The following MLXIP variants were observed in gnomAD, a reference collection of about 807,000 sequenced individuals.
The protein encoded by MLXIP is MLX-interacting protein.
MLXIP carries 30 observed loss-of-function variants against 87.2 expected under a neutral mutation model. The observed-to-expected ratio is 0.34, with a 90% confidence interval of 0.26 to 0.47. The LOEUF is 0.47. Among genes scored for constraint, MLXIP ranks in the 20% least tolerant of loss-of-function variants. The pLI, the probability that MLXIP is intolerant of heterozygous loss-of-function variation, is 1.00. For missense variants in MLXIP, 1,002 were observed against 1,240.1 expected, an observed-to-expected ratio of 0.81 and a Z score of 2.88; for synonymous variants, 530 against 514.0, an observed-to-expected ratio of 1.03 and a Z score of -0.42.
chr12:122,099,351 G>A (rs924599540), intron 1 of MLXIP, among the ~76,000 whole-genome samples: 1 of 152,014 alleles, frequency 6.6e-6, no homozygotes, highest in African/African-American at 2.4e-5. Context: ...CTGGACCCCA[G>A]CTGTTGGCAG....
chr12:122,144,879 C>T lies in MLXIP; in HGVS notation c.*3067C>T, dbSNP rs1488359843. 5 of 151,818 alleles carry T rather than the reference C, an allele frequency of 3.3e-5. No individual in the cohort carries two copies. The highest frequency in any genetic ancestry group is 3.3e-4 in the Admixed American group (5 of 15,224). The allele number at this position is 151,818 out of a possible 1,614,324, so 9.4% of individuals were successfully genotyped here. A position where few individuals can be genotyped will look rare whatever the true frequency, so the allele number is the denominator to read the frequency against. The stretch of plus-strand genomic sequence containing the variant: ...TCCAGCCTGGGTGACAGAGCAAAAC[C>T]CTATCTCAAAAAAAAAAAGAAGAAA... On this transcript the variant is annotated 3_prime_UTR_variant, in exon 17 of 17. Coordinates refer to ENST00000319080, the MANE Select transcript of MLXIP (RefSeq NM_014938.6).
chr12:122,085,025 A>C (rs1252315546), intron 1 of MLXIP, among the ~76,000 whole-genome samples: 1 of 152,126 alleles, frequency 6.6e-6, no homozygotes. Context: ...TGAGGAGAAA[A>C]GTGACCTACC....
intron 1 of MLXIP, among the ~76,000 whole-genome samples, chr12:122,079,854 CTCA>C (rs1192807643): frequency 6.6e-6 from 1 of 152,222 alleles, no homozygotes; most frequent in East Asian, 1.9e-4. Context: ...CCCTTACAAC[CTCA>C]TCGGGAGGCC....
chr12:122,127,810 G>A, intron 2 of MLXIP, 73 bp from the exon 3 acceptor site: 2 of 1,187,282 alleles, frequency 1.7e-6, no homozygotes, highest in Non-Finnish European at 2.5e-6. Flanking sequence ...CTAGGGGAGG[G>A]GTGCAGCAGA....
chr12:122,138,310 G>C lies in MLXIP; in HGVS notation c.2256+15G>C, dbSNP rs746727039. 1.2e-6 allele frequency: 2 copies of C among 1,613,718 alleles called. No homozygotes were observed. Among genetic ancestry groups the C allele is most frequent in the Non-Finnish European group, 1.7e-6 (2 of 1,179,724 alleles). On this transcript the variant is annotated intron_variant, in intron 13 of 16. Transcript: ENST00000319080. ...ATTCCAAGCTGGTGAGTTGCCAAGA[G>C]CGTGGGCTGTGGCAGGGCAGGGGAG...
chr12:122,105,455 C>T (rs1235795171), intron 1 of MLXIP, among the ~76,000 whole-genome samples: 1 of 151,838 alleles, frequency 6.6e-6, no homozygotes, highest in Admixed American at 6.6e-5. Flanking sequence ...TCAAGAGATT[C>T]TCCTGCCTCA....
intron 1 of MLXIP, among the ~76,000 whole-genome samples, chr12:122,090,630 C>G (rs1952233070): frequency 6.6e-6 from 1 of 152,080 alleles, no homozygotes; most frequent in South Asian, 2.1e-4. Flanking sequence ...TTTCAACTTT[C>G]CCTGTATGTT....
At chr12:122,102,380 A>C (rs1270692266) in intron 1 of MLXIP, among the ~76,000 whole-genome samples, 1 of 152,218 alleles carries the variant, frequency 6.6e-6, no homozygotes, top group African/African-American at 2.4e-5. Context: ...GCTCAAAACC[A>C]CAGTAAGAGG....
intron 1 of MLXIP, among the ~76,000 whole-genome samples, chr12:122,102,083 G>GTT (rs1213677858): frequency 6.6e-6 from 1 of 152,050 alleles, no homozygotes; most frequent in African/African-American, 2.4e-5. Context: ...CAAGATCAAA[G>GTT]TAGGTATTCA....
chr12:122,094,688 TTG>T (rs1311170680), intron 1 of MLXIP, among the ~76,000 whole-genome samples: 10 of 141,204 alleles, frequency 7.1e-5, no homozygotes, highest in South Asian at 2.4e-4. Context: ...GCGATGTCTG[TTG>T]TGTGTTGTGT....
Position 122,120,796 on chromosome 12 carries a change from A to G in MLXIP, c.414-6460A>G, listed in dbSNP as rs552642276. On this transcript the variant is annotated intron_variant, in intron 1 of 16. Coordinates refer to ENST00000319080, the MANE Select transcript of MLXIP (RefSeq NM_014938.6). ...TCAGCACTCATTGTACCTGTCCTGC[A>G]GCACTCACTGTGAGATGCCCCACTC... Among the ~76,000 whole-genome samples, 91 of 152,208 alleles carry G rather than the reference A, an allele frequency of 6.0e-4. No homozygotes were observed. The Middle Eastern group carries it at 0.02, about 34-fold the overall frequency.
rs775646085 is a variant in MLXIP, at chr12:122,141,821, C to T, written c.*9C>T. The T allele has an allele frequency of 6.2e-7, 1 of 1,613,046 alleles. No individual in the cohort carries two copies. On this transcript the variant is annotated 3_prime_UTR_variant, in exon 17 of 17. Transcript: ENST00000319080. Reference sequence around the variant, plus strand: ...GATTGGGAGAGTCCTAGCTGCTTAGCTGGCATGTGGCCGCATGAGATGCCA... The same window carrying T: ...GATTGGGAGAGTCCTAGCTGCTTAGTTGGCATGTGGCCGCATGAGATGCCA...
chr12:122,137,775 CT>C lies in MLXIP; in HGVS notation c.2154+186del, dbSNP rs1953120696. 8.0e-6 allele frequency: 4 copies of C among 501,056 alleles called. No individual in the cohort carries two copies. Among genetic ancestry groups the C allele is most frequent in the African/African-American group, 6.3e-5 (3 of 47,822 alleles). The allele number at this position is 501,056 out of a possible 1,614,324, so 31.0% of individuals were successfully genotyped here. A position where few individuals can be genotyped will look rare whatever the true frequency, so the allele number is the denominator to read the frequency against. ...CAGCCCTGTGGGGATGGTGGGCCCC[CT>C]GGAGGCTTTTGGGTGAGCCCCAAGC... On this transcript the variant is annotated intron_variant, in intron 12 of 16. Transcript: ENST00000319080. This position sits in a 1 kb window ranked among gnomAD's most constrained non-coding sequence, Gnocchi z 4.1.
In MLXIP at chr12:122,135,614, C is replaced by T. The variant is rs746900931; in HGVS notation, c.1980C>T (p.Gly660=). ...PSTAQDPLGK[G]EQVPLHGGSP... is the part of the protein sequence containing the mutation. The stretch of plus-strand genomic sequence containing the variant: ...CAGCGCAAGACCCCCTGGGGAAGGG[C>T]GAGCAGGTCCCGCTGCATGGGGGCA... Residue 660 remains glycine, a synonymous_variant, in exon 11 of 17, where the codon GGC becomes GGT. Transcript: ENST00000319080. This position sits in a 1 kb window ranked among gnomAD's most constrained non-coding sequence, Gnocchi z 5.3. The T allele has an allele frequency of 6.4e-5, 100 of 1,570,138 alleles. No homozygotes were observed. Among genetic ancestry groups the T allele is most frequent in the Non-Finnish European group, 8.5e-5 (99 of 1,159,522 alleles).
chr12:122,094,431 T>C (rs1310255111), intron 1 of MLXIP, among the ~76,000 whole-genome samples: 8 of 137,728 alleles, frequency 5.8e-5, no homozygotes, highest in Non-Finnish European at 1.2e-4. Flanking sequence ...GGTGTGGGTG[T>C]GTGTATGCGG....
Position 122,130,938 on chromosome 12 carries a change from G to A in MLXIP, c.1000+5G>A, listed in dbSNP as rs1952966675. ...ACACCTTTGAGCCTTTCCAGGGTGA[G>A]GACCAGAGGCAGAGAGAGCACGGTT... On this transcript the variant is annotated splice_donor_5th_base_variant and intron_variant, in intron 7 of 16. Transcript: ENST00000319080. 6.2e-7 allele frequency: 1 copy of A among 1,606,070 alleles called. No individual in the cohort carries two copies. The highest frequency in any genetic ancestry group is 1.7e-5 in the Admixed American group (1 of 59,988).
At chr12:122,141,627 G>T (rs1050731398) in intron 16 of MLXIP, 64 bp from the exon 17 acceptor site, 12 of 1,586,600 alleles carry the variant, frequency 7.6e-6, no homozygotes, top group Non-Finnish European at 8.6e-6. Context: ...TAGGTACAAA[G>T]CCGAGTGTGC....
chr12:122,146,538 C>G lies in MLXIP; in HGVS notation c.*4726C>G, dbSNP rs1461055604. ...GCCCCCCTGGCCACCGCAAGGGACTCTTTGCTTGTCAGGGCTTGCAAAAAC... is the reference window on the plus strand; with the variant it reads ...GCCCCCCTGGCCACCGCAAGGGACTGTTTGCTTGTCAGGGCTTGCAAAAAC... On this transcript the variant is annotated 3_prime_UTR_variant, in exon 17 of 17. Transcript: ENST00000319080. 3.9e-5 allele frequency: 6 copies of G among 152,262 alleles called. No homozygotes were observed. Among genetic ancestry groups the G allele is most frequent in the Non-Finnish European group, 8.8e-5 (6 of 68,096 alleles). The allele number at this position is 152,262 out of a possible 1,614,324, so 9.4% of individuals were successfully genotyped here. A position where few individuals can be genotyped will look rare whatever the true frequency, so the allele number is the denominator to read the frequency against.
chr12:122,103,469 G>A (rs1463025835), intron 1 of MLXIP, among the ~76,000 whole-genome samples: 1 of 149,960 alleles, frequency 6.7e-6, no homozygotes, highest in Non-Finnish European at 1.5e-5. Context: ...TAATCCACCT[G>A]CCTTGGCCTC....
Sources: gnomAD v4.1 joint callset for allele counts (sites outside exome capture counted in the v4.1 genomes callset) on GRCh38, gnomAD v4.1.1 for gene constraint, Gnocchi (gnomAD v3.1) non-coding constraint, MANE v1.5 for transcripts, NCBI Gene and HGNC (gene_info 2026-07-23, HGNC 2026-07-21) for gene names.